STIM2: variants seen among roughly 807,000 people sequenced by gnomAD.
STIM2 encodes the protein stromal interaction molecule 2.
Under a neutral mutation model 85.8 loss-of-function variants are expected in STIM2, and 31 were observed. The ratio of observed to expected loss-of-function variants is 0.36; its 90% CI spans 0.27 to 0.49. STIM2 has a LOEUF of 0.49. Among genes scored for constraint, STIM2 ranks in the 20% least tolerant of loss-of-function variants. The pLI, the probability that STIM2 is intolerant of heterozygous loss-of-function variation, is 0.98. For missense variants in STIM2, 841 were observed against 927.6 expected, an observed-to-expected ratio of 0.91 and a Z score of 1.21; for synonymous variants, 356 against 331.1, an observed-to-expected ratio of 1.08 and a Z score of -0.82.
In STIM2 at chr4:27,002,977, A is replaced by T. The variant is rs950184397; in HGVS notation, c.854A>T (p.Asn285Ile). 1 of 1,601,604 alleles carries T rather than the reference A, an allele frequency of 6.2e-7. No homozygotes were observed. Among genetic ancestry groups the T allele is most frequent in the African/African-American group, 1.4e-5 (1 of 73,960 alleles). Reference sequence around the variant, plus strand: ...AGAAATGTTGCTGTAGAAAAGCAAAATTTAGAGCGCAAAATGATGGATGAA... The same window carrying T: ...AGAAATGTTGCTGTAGAAAAGCAAATTTTAGAGCGCAAAATGATGGATGAA... The change falls in exon 7 of 12, where the codon AAT (asparagine) becomes ATT (isoleucine). Residue 285 changes from asparagine (N) to isoleucine (I), a missense_variant. Physicochemically the swap from Asn to Ile is moderately radical, Grantham distance 149. Coordinates refer to ENST00000467087, the MANE Select transcript of STIM2 (RefSeq NM_020860.4).
intron 2 of STIM2, among the ~76,000 whole-genome samples, chr4:26,930,354 T>A (rs1481880541): frequency 6.6e-6 from 1 of 152,206 alleles, no homozygotes; most frequent in African/African-American, 2.4e-5. Context: ...TTGTTTTCTG[T>A]TCTTACCTTT....
At chr4:26,932,877 TAAAC>T (rs1489246508) in intron 2 of STIM2, among the ~76,000 whole-genome samples, 2 of 152,176 alleles carry the variant, frequency 1.3e-5, no homozygotes, top group African/African-American at 2.4e-5. Flanking sequence ...TTTGCAAAGA[TAAAC>T]AAAGGCATCT....
At chr4:26,993,026 A>T (rs2109123542) in intron 3 of STIM2, among the ~76,000 whole-genome samples, 1 of 152,074 alleles carries the variant, frequency 6.6e-6, no homozygotes, top group Admixed American at 6.6e-5. Flanking sequence ...GATGACTTTG[A>T]TGTGCTGAAG....
chr4:26,918,737 C>G (rs1724685832), intron 1 of STIM2, among the ~76,000 whole-genome samples: 1 of 152,118 alleles, frequency 6.6e-6, no homozygotes, highest in African/African-American at 2.4e-5. Context: ...GAAGTAATTT[C>G]CATCAGTCAT....
intron 1 of STIM2, chr4:26,873,961 CAG>C: frequency 8.8e-7 from 1 of 1,134,710 alleles, no homozygotes; most frequent in South Asian, 1.3e-5. Flanking sequence ...GGCTGTGAGT[CAG>C]GGATCCACTG....
At chr4:26,882,341 T>G (rs1015331893) in intron 1 of STIM2, among the ~76,000 whole-genome samples, 1 of 152,206 alleles carries the variant, frequency 6.6e-6, no homozygotes, top group Non-Finnish European at 1.5e-5. Context: ...TAATTTTTTT[T>G]CCCCCAATTG....
intron 3 of STIM2, among the ~76,000 whole-genome samples, chr4:26,961,197 G>T (rs767492268): frequency 1.3e-5 from 2 of 152,164 alleles, no homozygotes; most frequent in Non-Finnish European, 2.9e-5. Flanking sequence ...AGTGCATGAA[G>T]ATGAGAACCG....
At chr4:26,944,034 T>C (rs1725720394) in intron 2 of STIM2, among the ~76,000 whole-genome samples, 1 of 152,216 alleles carries the variant, frequency 6.6e-6, no homozygotes, top group Non-Finnish European at 1.5e-5. Context: ...TGTATGGTTA[T>C]ACCACTATCT....
intron 1 of STIM2, among the ~76,000 whole-genome samples, chr4:26,890,419 G>A (rs927044881): frequency 7.2e-5 from 11 of 152,018 alleles, no homozygotes; most frequent in Non-Finnish European, 1.2e-4. Context: ...TTTATGAATC[G>A]TGGGGCCAGA....
intron 5 of STIM2, among the ~76,000 whole-genome samples, chr4:27,001,640 C>A (rs1396139375): frequency 6.6e-6 from 1 of 152,136 alleles, no homozygotes; most frequent in East Asian, 1.9e-4. Flanking sequence ...TGCCAGTAAC[C>A]ACTCCCCCAA....
rs375787892 is a variant in STIM2 at position 27,017,829 on chromosome 4, C to G, written c.1608C>G (p.Pro536=). ...GAGCTCAGCTTGCTCCACACGCCCC[C>G]CACCCGTCACACCCTCGGCACCCTC... Residue 536 remains proline, a synonymous_variant, in exon 11 of 12, where the codon CCC becomes CCG. Coordinates refer to ENST00000467087, the MANE Select transcript of STIM2 (RefSeq NM_020860.4). 81 of 1,614,164 alleles carry G rather than the reference C, an allele frequency of 5.0e-5. No individual in the cohort carries two copies. In the East Asian group the frequency reaches 1.4e-3, roughly 29 times the overall value.
intron 3 of STIM2, among the ~76,000 whole-genome samples, chr4:26,962,559 A>AGTGTGTGTGTGTGTGTGTGTGTGT (rs34301656): frequency 2.8e-5 from 4 of 142,610 alleles, no homozygotes; most frequent in African/African-American, 1.0e-4. Flanking sequence ...ACTTTAATGC[A>AGTGTGTGTGTGTGTGTGTGTGTGT]GTGTGTGTGT....
intron 4 of STIM2, among the ~76,000 whole-genome samples, chr4:26,997,648 T>G (rs965152201): frequency 6.6e-6 from 1 of 152,272 alleles, no homozygotes; most frequent in South Asian, 2.1e-4. Context: ...CATCCATACC[T>G]ACATACATTC....
At chr4:26,989,848 G>A (rs908665107) in intron 3 of STIM2, among the ~76,000 whole-genome samples, 2 of 152,066 alleles carry the variant, frequency 1.3e-5, no homozygotes, top group South Asian at 2.1e-4. Context: ...AATCAAGAAA[G>A]CAATCTTCTT....
At chr4:26,880,260 C>G (rs1722955111) in intron 1 of STIM2, among the ~76,000 whole-genome samples, 1 of 152,080 alleles carries the variant, frequency 6.6e-6, no homozygotes, top group Admixed American at 6.6e-5. Flanking sequence ...CTTGATTGTT[C>G]CTTCTCATCT....
intron 3 of STIM2, among the ~76,000 whole-genome samples, chr4:26,977,818 G>T (rs9790760): frequency 0.97 from 148,116 of 151,930 alleles, 72,239 homozygotes; most frequent in East Asian, 1. Context: ...GCGCAAAGAG[G>T]GAAGGACTGA....
intron 1 of STIM2, among the ~76,000 whole-genome samples, chr4:26,911,084 A>C (rs886826939): frequency 2.0e-5 from 3 of 152,036 alleles, no homozygotes; most frequent in African/African-American, 7.3e-5. Flanking sequence ...TAAAAATACA[A>C]AAATGAGCCA....
intron 9 of STIM2, 72 bp downstream of exon 9, chr4:27,008,600 A>G: frequency 1.7e-6 from 2 of 1,190,742 alleles, no homozygotes; most frequent in South Asian, 3.0e-5. Flanking sequence ...TGAACAATTT[A>G]TATTTATCAT....
At chr4:27,015,396 T>C (rs1459925043) in intron 10 of STIM2, among the ~76,000 whole-genome samples, 1 of 152,084 alleles carries the variant, frequency 6.6e-6, no homozygotes, top group South Asian at 2.1e-4. Flanking sequence ...GATATACTTA[T>C]GTGTTTATTT....
Sources: gnomAD v4.1 joint callset for allele counts (sites outside exome capture counted in the v4.1 genomes callset) on GRCh38, gnomAD v4.1.1 for gene constraint, MANE v1.5 for transcripts, NCBI Gene and HGNC (gene_info 2026-07-23, HGNC 2026-07-21) for gene names.